Variants in TENM2 observed in about 807,000 individuals in gnomAD.
The protein encoded by TENM2 is teneurin-2.
TENM2 carries 52 observed loss-of-function variants against 245.2 expected under a neutral mutation model. That is an observed-to-expected ratio of 0.21 (90% CI 0.17 to 0.27). The LOEUF (loss-of-function observed/expected upper bound fraction) is 0.27, where lower values mean the gene tolerates loss of function less well. Ranked by LOEUF, TENM2 falls within the 10% of genes least tolerant of loss-of-function variation. TENM2 has a pLI of 1.00. For synonymous variants in TENM2, 1,363 were observed against 1,438.9 expected, an observed-to-expected ratio of 0.95 and a Z score of 1.19; for missense variants, 3,046 against 3,666.8, an observed-to-expected ratio of 0.83 and a Z score of 4.37.
the TENM2 span, among the ~76,000 whole-genome samples, chr5:167,109,061 C>T: frequency 1.3e-5 from 2 of 152,088 alleles, no homozygotes; most frequent in African/African-American, 4.8e-5. Context: ...TTGAAACCTT[C>T]ATTAACGGAT....
rs1317031639 is a variant in TENM2 at position 167,841,525 on chromosome 5, A to G, written c.503-34461A>G. Among the ~76,000 whole-genome samples the G allele has an allele frequency of 3.3e-5, 5 of 152,174 alleles. No homozygotes were observed. In the East Asian group the frequency reaches 7.7e-4, roughly 23 times the overall value. On this transcript the variant is annotated intron_variant, in intron 2 of 28. Coordinates refer to ENST00000518659, the Ensembl canonical transcript of TENM2. ...TCCCAGCTTCCCCACACAAGCGTGT[A>G]TATTATTTTTTAACTAATTAAGGGT...
intron 2 of TENM2, among the ~76,000 whole-genome samples, chr5:167,795,448 C>A (rs2150918740): frequency 6.6e-6 from 1 of 152,172 alleles, no homozygotes. Context: ...TGATTTGAGG[C>A]TTCTAAATGG....
chr5:167,882,767 A>T (rs1005139293), intron 3 of TENM2, among the ~76,000 whole-genome samples: 1 of 152,164 alleles, frequency 6.6e-6, no homozygotes, highest in Non-Finnish European at 1.5e-5. Context: ...TCCACCTAGT[A>T]CCACCCTTGA....
chr5:168,117,916 C>T (rs1274136662), intron 9 of TENM2, among the ~76,000 whole-genome samples: 1 of 152,166 alleles, frequency 6.6e-6, no homozygotes, highest in Non-Finnish European at 1.5e-5. Flanking sequence ...GGTTCCCAGC[C>T]GGGCTCCCCT....
At chr5:167,898,084 G>A (rs779764583) in intron 3 of TENM2, among the ~76,000 whole-genome samples, 7 of 151,960 alleles carry the variant, frequency 4.6e-5, no homozygotes, top group Non-Finnish European at 8.8e-5. Context: ...CTATAGCATT[G>A]CTTAGGACTC....
chr5:168,028,951 C>G (rs950353730), intron 5 of TENM2, among the ~76,000 whole-genome samples: 1 of 152,172 alleles, frequency 6.6e-6, no homozygotes, highest in Non-Finnish European at 1.5e-5. Flanking sequence ...GCCCATGGTC[C>G]TCCCCTTAGG....
At chr5:167,345,043 C>A (rs543430086) in intron 1 of TENM2, among the ~76,000 whole-genome samples, 2 of 152,156 alleles carry the variant, frequency 1.3e-5, no homozygotes, top group Non-Finnish European at 2.9e-5. Context: ...CTTCCTATTG[C>A]GTTGCTGATT....
intron 2 of TENM2, among the ~76,000 whole-genome samples, chr5:167,566,936 A>G (rs1773944559): frequency 6.6e-6 from 1 of 152,236 alleles, no homozygotes. Context: ...CAGACAAGAC[A>G]GACTTCTGTT....
intron 12 of TENM2, among the ~76,000 whole-genome samples, chr5:168,159,928 C>T (rs548818357): frequency 2.6e-4 from 40 of 152,258 alleles, no homozygotes; most frequent in African/African-American, 9.4e-4. Context: ...CTGACTGACA[C>T]GCTAGTGTTT....
intron 2 of TENM2, among the ~76,000 whole-genome samples, chr5:167,737,856 T>C (rs1336362079): frequency 6.6e-6 from 1 of 152,200 alleles, no homozygotes; most frequent in Non-Finnish European, 1.5e-5. Flanking sequence ...AGACCTCTGC[T>C]TAAAGGGAGA....
intron 2 of TENM2, among the ~76,000 whole-genome samples, chr5:167,800,046 G>A (rs1303835456): frequency 6.6e-6 from 1 of 152,222 alleles, no homozygotes; most frequent in Non-Finnish European, 1.5e-5. Context: ...AGTGTTGTAT[G>A]TAGATCCACA....
At chr5:167,255,217 A>C in the TENM2 span, among the ~76,000 whole-genome samples, 5 of 152,078 alleles carry the variant, frequency 3.3e-5, no homozygotes, top group African/African-American at 1.2e-4. Context: ...GAATTTTAAT[A>C]AGATTTATTG....
At chr5:167,393,514 C>G (rs941917478) in intron 2 of TENM2, among the ~76,000 whole-genome samples, 1 of 152,102 alleles carries the variant, frequency 6.6e-6, no homozygotes, top group Non-Finnish European at 1.5e-5. Context: ...CAGGCACACT[C>G]CTGCTGTATT....
chr5:167,101,859 A>ATT, the TENM2 span, among the ~76,000 whole-genome samples: 419 of 124,764 alleles, frequency 3.4e-3, 1 homozygote, highest in South Asian at 7.2e-3. Flanking sequence ...TTATATATAT[A>ATT]TATATATATA....
chr5:167,548,972 G>T (rs574774103), intron 2 of TENM2, among the ~76,000 whole-genome samples: 1 of 152,158 alleles, frequency 6.6e-6, no homozygotes, highest in Admixed American at 6.5e-5. Context: ...TGAACTACAA[G>T]AATAGATTCT....
At chr5:167,605,152 C>T (rs940406878) in intron 2 of TENM2, among the ~76,000 whole-genome samples, 4 of 152,100 alleles carry the variant, frequency 2.6e-5, no homozygotes, top group African/African-American at 9.7e-5. Flanking sequence ...TTTCCACTTT[C>T]CCCATGACTG....
chr5:168,253,123 C>T (rs918499257), intron 27 of TENM2, among the ~76,000 whole-genome samples: 3 of 151,866 alleles, frequency 2.0e-5, no homozygotes, highest in Admixed American at 1.3e-4. Context: ...TGTGCAACCA[C>T]GCCCAGCTAA....
chr5:167,683,119 GATA>G (rs1756843899), intron 2 of TENM2, among the ~76,000 whole-genome samples: 1 of 152,038 alleles, frequency 6.6e-6, no homozygotes, highest in African/African-American at 2.4e-5. Context: ...TGCACTAATG[GATA>G]ATAATAATAG....
At chr5:167,390,006 A>G (rs1475740145) in intron 2 of TENM2, among the ~76,000 whole-genome samples, 1 of 151,898 alleles carries the variant, frequency 6.6e-6, no homozygotes, top group Non-Finnish European at 1.5e-5. Flanking sequence ...TACAATGTCT[A>G]CAGTGATCCC....
Sources: allele counts gnomAD v4.1 joint callset (sites outside exome capture counted in the v4.1 genomes callset), GRCh38; gene constraint gnomAD v4.1.1; transcripts MANE v1.5; gene names NCBI Gene and HGNC (gene_info 2026-07-23, HGNC 2026-07-21).